Variants in PLCB1 observed in about 807,000 individuals in gnomAD.
The protein encoded by PLCB1 is phospholipase C beta 1.
A neutral mutation model predicts 161.8 loss-of-function variants in PLCB1; 46 were observed. That is an observed-to-expected ratio of 0.28 (90% CI 0.22 to 0.36). The LOEUF (loss-of-function observed/expected upper bound fraction) is 0.36, where lower values mean the gene tolerates loss of function less well. Among genes scored for constraint, PLCB1 ranks in the 10% least tolerant of loss-of-function variants. The pLI, the probability that PLCB1 is intolerant of heterozygous loss-of-function variation, is 1.00. For missense variants in PLCB1, 1,016 were observed against 1,472.5 expected (o/e 0.69, Z 5.07); for synonymous variants, 517 against 503.7 (o/e 1.03, Z -0.35).
chr20:8,858,912 CA>C lies in PLCB1; in HGVS notation c.3424-22690del, dbSNP rs11482207. 4.1e-3 allele frequency among the ~76,000 whole-genome samples: 453 copies of C among 111,534 alleles called. 1 individual carries two copies. The highest frequency in any genetic ancestry group is 4.8e-3 in the African/African-American group (143 of 29,744). The allele number at this position is 111,534 out of a possible 152,430, so 73.2% of individuals were successfully genotyped here. ...CTCAAACTCTGGCAATTTGAGTGTG[CA>C]AAAAAAAAAAAAAAAAAAATTAGAG... On this transcript the variant is annotated intron_variant, in intron 31 of 31. Transcript: ENST00000338037.
At chr20:8,642,869 T>C (rs1989000964) in intron 4 of PLCB1, among the ~76,000 whole-genome samples, 1 of 152,234 alleles carries the variant, frequency 6.6e-6, no homozygotes, top group East Asian at 1.9e-4. Context: ...CTTTTACCAA[T>C]GCAGAAAGTT....
chr20:8,239,665 G>A (rs779227565), intron 2 of PLCB1, among the ~76,000 whole-genome samples: 3 of 151,786 alleles, frequency 2.0e-5, no homozygotes, highest in African/African-American at 4.8e-5. Flanking sequence ...ATTGAATAGG[G>A]TACTGAGTTT....
At chr20:8,480,481 C>T (rs937556197) in intron 3 of PLCB1, among the ~76,000 whole-genome samples, 3 of 152,154 alleles carry the variant, frequency 2.0e-5, no homozygotes, top group Admixed American at 1.3e-4. Context: ...TGAATAAGTT[C>T]TCTCCAATCT....
chr20:8,238,345 G>A (rs889186466), intron 2 of PLCB1, among the ~76,000 whole-genome samples: 8 of 152,046 alleles, frequency 5.3e-5, no homozygotes, highest in Non-Finnish European at 1.0e-4. Flanking sequence ...TTACCTAAAA[G>A]TGACAGCTAA....
chr20:8,609,760 C>T (rs892693002), intron 3 of PLCB1, among the ~76,000 whole-genome samples: 14 of 152,140 alleles, frequency 9.2e-5, no homozygotes, highest in Non-Finnish European at 1.3e-4. Flanking sequence ...CCTCCTGCCT[C>T]GGCCCACTAT....
At chr20:8,396,037 T>A (rs56254748) in intron 3 of PLCB1, among the ~76,000 whole-genome samples, 2,706 of 152,154 alleles carry the variant, frequency 0.018, 92 homozygotes, top group African/African-American at 0.062. Context: ...TTACTAATAT[T>A]CATGCCCTGT....
chr20:8,335,169 C>G (rs1041801718), intron 2 of PLCB1, among the ~76,000 whole-genome samples: 1 of 152,056 alleles, frequency 6.6e-6, no homozygotes, highest in African/African-American at 2.4e-5. Context: ...ATTTTTATAC[C>G]AGTGCTTGTA....
Position 8,386,616 on chromosome 20 carries a change from A to T in PLCB1, c.246+15166A>T, listed in dbSNP as rs115212351. The stretch of plus-strand genomic sequence containing the variant: ...AGTCAATGAGCATTGGCTTCCACTT[A>T]AAGTTACCAACTGCCTTAATGCCTA... On this transcript the variant is annotated intron_variant, in intron 3 of 31. Coordinates refer to ENST00000338037, the MANE Select transcript of PLCB1 (RefSeq NM_015192.4). Among the ~76,000 whole-genome samples, 653 of 152,316 alleles carry T rather than the reference A, an allele frequency of 4.3e-3. 6 individuals are homozygous for T. The highest frequency in any genetic ancestry group is 0.015 in the African/African-American group (607 of 41,562).
At chr20:8,417,788 A>G (rs1183194483) in intron 3 of PLCB1, among the ~76,000 whole-genome samples, 1 of 152,240 alleles carries the variant, frequency 6.6e-6, no homozygotes, top group African/African-American at 2.4e-5. Flanking sequence ...AAAATCGTCA[A>G]ATACCATCTT....
intron 2 of PLCB1, among the ~76,000 whole-genome samples, chr20:8,221,163 A>G (rs80068287): frequency 0.012 from 1,851 of 152,296 alleles, 43 homozygotes; most frequent in African/African-American, 0.042. Flanking sequence ...TATAGACTAG[A>G]TAACTTGAGG....
intron 9 of PLCB1, among the ~76,000 whole-genome samples, chr20:8,681,962 G>A (rs1990231627): frequency 6.6e-6 from 1 of 152,142 alleles, no homozygotes; most frequent in African/African-American, 2.4e-5. Flanking sequence ...GGACGACAAA[G>A]ATACATGCAC....
intron 2 of PLCB1, among the ~76,000 whole-genome samples, chr20:8,286,776 G>A (rs796108448): frequency 5.3e-5 from 8 of 152,226 alleles, no homozygotes; most frequent in African/African-American, 1.4e-4. Flanking sequence ...ATTAAAGAGA[G>A]GATCTCCTTA....
chr20:8,150,202 A>C, intron 1 of PLCB1, 92 bp from the exon 2 acceptor site: 1 of 517,612 alleles, frequency 1.9e-6, no homozygotes, highest in Non-Finnish European at 3.4e-6. Context: ...TACTTTGGAG[A>C]ATCTGTACAA....
chr20:8,420,759 G>T (rs976694447), intron 3 of PLCB1, among the ~76,000 whole-genome samples: 1 of 152,142 alleles, frequency 6.6e-6, no homozygotes, highest in African/African-American at 2.4e-5. Flanking sequence ...TGCACATCAG[G>T]TCAATGCACT....
chr20:8,352,742 G>A (rs1447692446), intron 2 of PLCB1, among the ~76,000 whole-genome samples: 1 of 152,038 alleles, frequency 6.6e-6, no homozygotes, highest in South Asian at 2.1e-4. Flanking sequence ...TCTGAGACCA[G>A]TATTCTTATA....
chr20:8,491,519 A>G (rs1215413194), intron 3 of PLCB1, among the ~76,000 whole-genome samples: 1 of 152,092 alleles, frequency 6.6e-6, no homozygotes, highest in Non-Finnish European at 1.5e-5. Context: ...AACGTTGTCT[A>G]ATGTTCCACT....
chr20:8,773,288 G>A (rs1982783529), intron 26 of PLCB1, among the ~76,000 whole-genome samples: 1 of 152,150 alleles, frequency 6.6e-6, no homozygotes, highest in African/African-American at 2.4e-5. Flanking sequence ...AATGTCTTAG[G>A]TAGTCTTTCG....
chr20:8,487,868 G>C (rs1329384793), intron 3 of PLCB1, among the ~76,000 whole-genome samples: 1 of 152,140 alleles, frequency 6.6e-6, no homozygotes, highest in East Asian at 1.9e-4. Context: ...CCCAGCCCTT[G>C]AGATGCCGAG....
At chr20:8,349,373 G>A (rs1009142423) in intron 2 of PLCB1, among the ~76,000 whole-genome samples, 1 of 152,182 alleles carries the variant, frequency 6.6e-6, no homozygotes, top group Non-Finnish European at 1.5e-5. Context: ...TCTTTTGCTA[G>A]CGTTCATGTA....
Sources: gnomAD v4.1 joint callset for allele counts (sites outside exome capture counted in the v4.1 genomes callset) on GRCh38, gnomAD v4.1.1 for gene constraint, MANE v1.5 for transcripts, NCBI Gene and HGNC (gene_info 2026-07-23, HGNC 2026-07-21) for gene names.